The following SLC24A2 variants were observed in gnomAD, a reference collection of about 807,000 sequenced individuals.
SLC24A2 encodes sodium/potassium/calcium exchanger 2.
A neutral mutation model predicts 62.0 loss-of-function variants in SLC24A2; 36 were observed. The observed-to-expected ratio is 0.58, with a 90% CI of 0.44 to 0.77. SLC24A2 has a LOEUF of 0.77. SLC24A2 is among the 30% of genes least tolerant of loss of function. The pLI, the probability that SLC24A2 is intolerant of heterozygous loss-of-function variation, is 0.00. For missense variants in SLC24A2, 846 were observed against 817.9 expected (o/e 1.03, Z -0.42); for synonymous variants, 358 against 294.0 (o/e 1.22, Z -2.23).
intron 5 of SLC24A2, among the ~76,000 whole-genome samples, chr9:19,577,858 A>G (rs1000364589): frequency 4.0e-5 from 6 of 148,568 alleles, no homozygotes; most frequent in African/African-American, 1.5e-4. Flanking sequence ...TATAAAATAT[A>G]TATATAAAAA....
the SLC24A2 span, among the ~76,000 whole-genome samples, chr9:20,260,228 C>A: frequency 9.8e-5 from 15 of 152,346 alleles, no homozygotes; most frequent in African/African-American, 3.4e-4. Flanking sequence ...CTACTTCCTG[C>A]TATGGAATAA....
At chr9:19,579,592 G>C (rs1836142954) in intron 5 of SLC24A2, among the ~76,000 whole-genome samples, 1 of 152,128 alleles carries the variant, frequency 6.6e-6, no homozygotes. Flanking sequence ...AAGAAATATA[G>C]ATGATCAATA....
At chr9:19,811,092 G>T in the SLC24A2 span, among the ~76,000 whole-genome samples, 1 of 152,142 alleles carries the variant, frequency 6.6e-6, no homozygotes, top group African/African-American at 2.4e-5. Context: ...TATTGAGGTG[G>T]GGATTTGGGA....
intron 2 of SLC24A2, among the ~76,000 whole-genome samples, chr9:19,771,498 AG>A (rs1263798937): frequency 6.6e-6 from 1 of 152,224 alleles, no homozygotes; most frequent in Non-Finnish European, 1.5e-5. Context: ...GGCCCTTCAT[AG>A]TAAGCATCAA....
At chr9:19,815,503 T>C in the SLC24A2 span, among the ~76,000 whole-genome samples, 1 of 152,148 alleles carries the variant, frequency 6.6e-6, no homozygotes, top group Non-Finnish European at 1.5e-5. Flanking sequence ...TTTTGAGTGC[T>C]CATATCCTTT....
chr9:19,670,178 C>A (rs1242872743), intron 2 of SLC24A2, among the ~76,000 whole-genome samples: 1 of 152,170 alleles, frequency 6.6e-6, no homozygotes, highest in Non-Finnish European at 1.5e-5. Context: ...AGATCTCAGT[C>A]TTGAGACCCC....
chr9:19,809,429 C>T, the SLC24A2 span, among the ~76,000 whole-genome samples: 1 of 152,060 alleles, frequency 6.6e-6, no homozygotes, highest in East Asian at 1.9e-4. Flanking sequence ...CCAAATGATA[C>T]AGGAGTTAAG....
At chr9:20,263,147 G>A in the SLC24A2 span, among the ~76,000 whole-genome samples, 1 of 152,158 alleles carries the variant, frequency 6.6e-6, no homozygotes, top group Non-Finnish European at 1.5e-5. Context: ...GTACTTTTAT[G>A]TTTCTTCACT....
chr9:20,280,415 G>A, the SLC24A2 span, among the ~76,000 whole-genome samples: 2 of 152,130 alleles, frequency 1.3e-5, no homozygotes, highest in Non-Finnish European at 2.9e-5. Flanking sequence ...AGAAGAGGGC[G>A]CCATGAGCTA....
chr9:19,564,469 G>C (rs1536587), intron 7 of SLC24A2, among the ~76,000 whole-genome samples: 131,934 of 152,108 alleles, frequency 0.87, 57,812 homozygotes, highest in East Asian at 1. Flanking sequence ...TGTAAAGTAA[G>C]AATAAAATCA....
chr9:19,920,734 G>C, the SLC24A2 span, among the ~76,000 whole-genome samples: 1 of 152,186 alleles, frequency 6.6e-6, no homozygotes, highest in Non-Finnish European at 1.5e-5. Flanking sequence ...TCTACAACTA[G>C]AGAGTCCTGG....
At chr9:19,936,392 G>C in the SLC24A2 span, among the ~76,000 whole-genome samples, 1 of 152,118 alleles carries the variant, frequency 6.6e-6, no homozygotes, top group African/African-American at 2.4e-5. Flanking sequence ...TCCTTCTTCA[G>C]CCTCCAGAGT....
the SLC24A2 span, among the ~76,000 whole-genome samples, chr9:19,930,383 C>T: frequency 1.3e-5 from 2 of 152,154 alleles, no homozygotes; most frequent in African/African-American, 2.4e-5. Flanking sequence ...ACATGGTGTA[C>T]AGATCTGTAG....
At chr9:19,556,866 A>T (rs530103027) in intron 7 of SLC24A2, among the ~76,000 whole-genome samples, 4 of 152,326 alleles carry the variant, frequency 2.6e-5, no homozygotes, top group South Asian at 4.1e-4. Flanking sequence ...GGGATGTTTT[A>T]ATGTGGGTTA....
At chr9:20,150,224 T>A in the SLC24A2 span, among the ~76,000 whole-genome samples, 1 of 151,962 alleles carries the variant, frequency 6.6e-6, no homozygotes, top group East Asian at 1.9e-4. Flanking sequence ...GTTCACAGGT[T>A]AGCCCAGCCT....
chr9:20,179,600 G>A, the SLC24A2 span, among the ~76,000 whole-genome samples: 3 of 152,140 alleles, frequency 2.0e-5, no homozygotes, highest in Admixed American at 6.5e-5. Context: ...GTGCACAGAT[G>A]TCTTCCCAAA....
chr9:19,992,968 G>C, the SLC24A2 span, among the ~76,000 whole-genome samples: 1 of 152,180 alleles, frequency 6.6e-6, no homozygotes, highest in Non-Finnish European at 1.5e-5. Context: ...GGCTCAGTCA[G>C]TGGTAGCCAA....
At chr9:19,756,439 T>A in intron 2 of SLC24A2, among the ~76,000 whole-genome samples, 1 of 152,200 alleles carries the variant, frequency 6.6e-6, no homozygotes, top group Non-Finnish European at 1.5e-5. Context: ...TATTCTAACA[T>A]TTTTGGACAG....
chr9:19,586,416 C>T (rs1836373143), intron 5 of SLC24A2, among the ~76,000 whole-genome samples: 1 of 152,108 alleles, frequency 6.6e-6, no homozygotes, highest in African/African-American at 2.4e-5. Context: ...AGATTTTTCG[C>T]TATATGAAAT....
Sources: gnomAD v4.1 joint callset for allele counts (sites outside exome capture counted in the v4.1 genomes callset) on GRCh38, gnomAD v4.1.1 for gene constraint, MANE v1.5 for transcripts, NCBI Gene and HGNC (gene_info 2026-07-23, HGNC 2026-07-21) for gene names.